GNAQ: variants seen among roughly 807,000 people sequenced by gnomAD.
The protein encoded by GNAQ is G protein subunit alpha q, also known as guanine nucleotide-binding protein G(q) subunit alpha.
Under a neutral mutation model 43.9 loss-of-function variants are expected in GNAQ, and 8 were observed. The ratio of observed to expected loss-of-function variants is 0.18; its 90% CI spans 0.11 to 0.33. The LOEUF (loss-of-function observed/expected upper bound fraction) is 0.33, where lower values mean the gene tolerates loss of function less well. Among genes scored for constraint, GNAQ ranks in the 10% least tolerant of loss-of-function variants. The pLI is 1.00. For synonymous variants in GNAQ, 155 were observed against 170.7 expected (o/e 0.91, Z 0.71); for missense variants, 158 against 450.8 (o/e 0.35, Z 5.88).
At chr9:77,736,649 G>C (rs1825581331) in intron 5 of GNAQ, among the ~76,000 whole-genome samples, 1 of 152,124 alleles carries the variant, frequency 6.6e-6, no homozygotes. Flanking sequence ...CCCTTGTAAA[G>C]TGAACTGCTG....
At position 77,769,790 on chromosome 9, in the gene GNAQ, A is replaced by C. The variant is rs139509478; in HGVS notation, c.735+24673T>G. ...TGCCATTCTCCTGCCTCAGCCTCCC[A>C]AGTAGCTGCGACTACACGCGCCCGC... is the stretch of plus-strand genomic sequence containing the variant. On this transcript the variant is annotated intron_variant, in intron 5 of 6. Transcript: ENST00000286548. Among the ~76,000 whole-genome samples, 849 of 150,248 alleles carry C rather than the reference A, an allele frequency of 5.7e-3. 1 individual carries two copies. Among genetic ancestry groups the C allele is most frequent in the African/African-American group, 0.02 (801 of 40,812 alleles).
chr9:77,891,005 T>C (rs538622525), intron 2 of GNAQ, among the ~76,000 whole-genome samples: 96 of 152,318 alleles, frequency 6.3e-4, no homozygotes, highest in African/African-American at 2.1e-3. Flanking sequence ...AGATATGGTA[T>C]AGCAAGAGAG....
At chr9:77,753,101 A>AG (rs1414287868) in intron 5 of GNAQ, among the ~76,000 whole-genome samples, 5 of 151,570 alleles carry the variant, frequency 3.3e-5, no homozygotes, top group African/African-American at 4.9e-5. Flanking sequence ...AAAAAAAAAA[A>AG]AAAAAGAAAA....
chr9:77,741,778 T>C lies in GNAQ; in HGVS notation c.736-13111A>G, dbSNP rs192846318. 5.0e-3 allele frequency among the ~76,000 whole-genome samples: 769 copies of C among 152,320 alleles called. 8 individuals carry two copies. Among genetic ancestry groups the C allele is most frequent in the African/African-American group, 0.018 (734 of 41,580 alleles). The stretch of plus-strand genomic sequence containing the variant: ...CTTTAAGCAGCTTAAAAAAATTCTG[T>C]AAACATTCTTTGTTAATGAGAGACT... On this transcript the variant is annotated intron_variant, in intron 5 of 6. Coordinates refer to ENST00000286548, the MANE Select transcript of GNAQ (RefSeq NM_002072.5).
chr9:77,955,532 G>T (rs571835822), intron 1 of GNAQ, among the ~76,000 whole-genome samples: 3 of 152,160 alleles, frequency 2.0e-5, no homozygotes, highest in Non-Finnish European at 4.4e-5. Flanking sequence ...GCTATACTTT[G>T]TGTCTACTCC....
At chr9:77,886,920 C>T (rs995235226) in intron 2 of GNAQ, among the ~76,000 whole-genome samples, 3 of 150,492 alleles carry the variant, frequency 2.0e-5, no homozygotes, top group African/African-American at 4.9e-5. Context: ...ACCAGCCTGG[C>T]CAACACAGTG....
At chr9:77,725,293 T>A (rs1342712366) in intron 6 of GNAQ, among the ~76,000 whole-genome samples, 1 of 152,182 alleles carries the variant, frequency 6.6e-6, no homozygotes, top group Non-Finnish European at 1.5e-5. Context: ...AAAGGGTAAT[T>A]TCCTTTCTTG....
chr9:77,759,022 A>C (rs1350901262), intron 5 of GNAQ, among the ~76,000 whole-genome samples: 3 of 152,230 alleles, frequency 2.0e-5, no homozygotes, highest in African/African-American at 7.2e-5. Context: ...TAAACAAATG[A>C]ACTCAATAGA....
Position 77,736,094 on chromosome 9 carries a change from C to T in GNAQ, c.736-7427G>A, listed in dbSNP as rs117420209. ...AGTGAAATATTTCCGTTCCCTGGAACTGCACCTAGTTAATTTATCCACGTT... is the reference window on the plus strand; with the variant it reads ...AGTGAAATATTTCCGTTCCCTGGAATTGCACCTAGTTAATTTATCCACGTT... On this transcript the variant is annotated intron_variant, in intron 5 of 6. Coordinates refer to ENST00000286548, the MANE Select transcript of GNAQ (RefSeq NM_002072.5). 5.2e-3 allele frequency among the ~76,000 whole-genome samples: 787 copies of T among 152,320 alleles called. 3 individuals are homozygous for T. The highest frequency in any genetic ancestry group is 0.041 in the Middle Eastern group (12 of 294).
chr9:77,998,387 T>G (rs151060767), intron 1 of GNAQ, among the ~76,000 whole-genome samples: 6 of 152,404 alleles, frequency 3.9e-5, no homozygotes, highest in Admixed American at 3.3e-4. Context: ...AAAAATGAAC[T>G]GCATAAACCA....
At chr9:77,990,087 A>G (rs189154844) in intron 1 of GNAQ, among the ~76,000 whole-genome samples, 30 of 152,352 alleles carry the variant, frequency 2.0e-4, no homozygotes, top group African/African-American at 7.2e-4. Flanking sequence ...CCATGACTAC[A>G]TAAGCCCATA....
chr9:77,855,148 T>G (rs185392562), intron 2 of GNAQ, among the ~76,000 whole-genome samples: 95 of 152,134 alleles, frequency 6.2e-4, no homozygotes, highest in African/African-American at 2.2e-3. Flanking sequence ...TCAGATGACA[T>G]CATAGTGAAT....
At chr9:77,993,408 G>C (rs1823532494) in intron 1 of GNAQ, among the ~76,000 whole-genome samples, 1 of 152,106 alleles carries the variant, frequency 6.6e-6, no homozygotes, top group Non-Finnish European at 1.5e-5. Flanking sequence ...GAATATAAAA[G>C]TGCAGATAGG....
intron 1 of GNAQ, among the ~76,000 whole-genome samples, chr9:78,001,092 T>C (rs994335222): frequency 1.1e-4 from 17 of 152,134 alleles, no homozygotes; most frequent in Admixed American, 7.2e-4. Context: ...CTAAGGGCCT[T>C]GGGTTTTGGT....
At chr9:77,941,491 C>T (rs547650344) in intron 1 of GNAQ, among the ~76,000 whole-genome samples, 51 of 152,246 alleles carry the variant, frequency 3.3e-4, no homozygotes, top group African/African-American at 1.1e-3. Context: ...CCTCATGATC[C>T]GCCTGCCTCG....
Position 77,781,049 on chromosome 9 carries a change from A to G in GNAQ, c.735+13414T>C, listed in dbSNP as rs35986646. The stretch of plus-strand genomic sequence containing the variant: ...TGGATGAATACGGATATTTTCTCCT[A>G]TCCAGTAGGTTCTTTCTACTCTGTT... On this transcript the variant is annotated intron_variant, in intron 5 of 6. Coordinates refer to ENST00000286548, the MANE Select transcript of GNAQ (RefSeq NM_002072.5). 2.2e-3 allele frequency among the ~76,000 whole-genome samples: 335 copies of G among 150,144 alleles called. 2 individuals are homozygous for G. Among genetic ancestry groups the G allele is most frequent in the Non-Finnish European group, 3.7e-3 (249 of 67,600 alleles).
rs1235711216 is a variant in GNAQ at position 77,911,630 on chromosome 9, T to A, written c.321+10531A>T. On this transcript the variant is annotated intron_variant, in intron 2 of 6. Transcript: ENST00000286548. ...CAAAAAAAGAAAACCCAGGTAAGCC[T>A]TTTCAATCTAAATGCTACAGATGGT... 2.6e-5 allele frequency among the ~76,000 whole-genome samples: 4 copies of A among 152,176 alleles called. No homozygotes were observed. The East Asian group carries it at 5.8e-4, about 22-fold the overall frequency.
At chr9:77,960,209 C>T (rs1016708690) in intron 1 of GNAQ, among the ~76,000 whole-genome samples, 5 of 152,054 alleles carry the variant, frequency 3.3e-5, no homozygotes, top group Non-Finnish European at 5.9e-5. Context: ...ATTTTTTCTG[C>T]TCTCTTTATT....
intron 5 of GNAQ, among the ~76,000 whole-genome samples, chr9:77,763,785 G>C (rs866424800): frequency 6.6e-6 from 1 of 152,206 alleles, no homozygotes; most frequent in East Asian, 1.9e-4. Flanking sequence ...TGGTAATGCA[G>C]AGGCAGTTTA....
Sources: allele counts gnomAD v4.1 joint callset (sites outside exome capture counted in the v4.1 genomes callset), GRCh38; gene constraint gnomAD v4.1.1; transcripts MANE v1.5; gene names NCBI Gene and HGNC (gene_info 2026-07-23, HGNC 2026-07-21).